Variants in ANXA10 observed in about 807,000 individuals in gnomAD.
ANXA10 encodes the protein annexin 14.
Under a neutral mutation model 53.5 loss-of-function variants are expected in ANXA10, and 49 were observed. That is an observed-to-expected ratio of 0.92 (90% CI 0.73 to 1.16). The LOEUF is 1.16. Ranked by LOEUF, ANXA10 falls within the 50% of genes most tolerant of loss-of-function variation. The probability of loss-of-function intolerance (pLI) is 0.00; values close to 1 mark genes in which losing one functional copy is unlikely to be tolerated. For synonymous variants in ANXA10, 131 were observed against 128.9 expected (o/e 1.02, Z -0.11); for missense variants, 393 against 394.4 (o/e 1.00, Z 0.03).
chr4:168,181,859 G>A, intron 10 of ANXA10, 118 bp downstream of exon 10: 2 of 737,536 alleles, frequency 2.7e-6, no homozygotes, highest in Admixed American at 2.5e-5. Context: ...TATGTACAAA[G>A]AAAATACACC....
chr4:168,099,525 A>C (rs1205406750), intron 1 of ANXA10, among the ~76,000 whole-genome samples: 1 of 152,102 alleles, frequency 6.6e-6, no homozygotes, highest in Non-Finnish European at 1.5e-5. Context: ...CCCTCAGTGA[A>C]AGGTAATTAA....
chr4:168,143,812 A>T (rs1731364407), intron 3 of ANXA10, among the ~76,000 whole-genome samples: 1 of 152,220 alleles, frequency 6.6e-6, no homozygotes, highest in Admixed American at 6.5e-5. Context: ...CTTGCCCAAA[A>T]GTAAAACTTC....
chr4:168,106,875 T>C (rs1730728199), intron 1 of ANXA10, among the ~76,000 whole-genome samples: 1 of 152,168 alleles, frequency 6.6e-6, no homozygotes, highest in Admixed American at 6.6e-5. Flanking sequence ...TTTTATGCCC[T>C]TCTCTTCCCA....
intron 2 of ANXA10, among the ~76,000 whole-genome samples, chr4:168,138,800 C>G (rs984146482): frequency 6.6e-6 from 1 of 152,090 alleles, no homozygotes; most frequent in Non-Finnish European, 1.5e-5. Flanking sequence ...TTACAGAGAT[C>G]TTTCACTTCC....
intron 6 of ANXA10, among the ~76,000 whole-genome samples, chr4:168,167,791 T>C (rs1348256433): frequency 6.6e-6 from 1 of 152,218 alleles, no homozygotes; most frequent in East Asian, 1.9e-4. Flanking sequence ...CCCTCATTTA[T>C]GCCTTTTTTA....
chr4:168,163,243 T>C (rs534773719), intron 4 of ANXA10, among the ~76,000 whole-genome samples: 15 of 152,294 alleles, frequency 9.8e-5, no homozygotes, highest in Admixed American at 9.8e-4. Flanking sequence ...ACAGATTTTG[T>C]TGGCTAGGTA....
At chr4:168,177,546 G>C (rs1429204050) in intron 6 of ANXA10, among the ~76,000 whole-genome samples, 194 bp from the exon 7 acceptor site, 1 of 152,102 alleles carries the variant, frequency 6.6e-6, no homozygotes, top group African/African-American at 2.4e-5. Context: ...ATAAAATAAT[G>C]CACATTTTAA....
intron 6 of ANXA10, among the ~76,000 whole-genome samples, chr4:168,172,046 C>G (rs2149479197): frequency 6.6e-6 from 1 of 152,324 alleles, no homozygotes; most frequent in African/African-American, 2.4e-5. Flanking sequence ...TCACCCACAT[C>G]TTAGTTCTTT....
intron 1 of ANXA10, among the ~76,000 whole-genome samples, chr4:168,116,996 G>GACACACACAC (rs9312272): frequency 0.014 from 2,159 of 150,952 alleles, 49 homozygotes; most frequent in African/African-American, 0.047. Context: ...TTTTCACACA[G>GACACACACAC]ACACACACAC....
intron 5 of ANXA10, 48 bp from the exon 6 acceptor site, chr4:168,165,199 T>A: frequency 1.6e-6 from 2 of 1,257,120 alleles, no homozygotes; most frequent in Non-Finnish European, 2.3e-6. Context: ...AACACACTGA[T>A]ACATAGTTCT....
intron 1 of ANXA10, among the ~76,000 whole-genome samples, chr4:168,124,160 C>A (rs923366958): frequency 6.6e-6 from 1 of 152,128 alleles, no homozygotes. Context: ...ATAGAGGGCA[C>A]CATGTTGGGA....
At chr4:168,126,950 A>G (rs115633037) in intron 1 of ANXA10, among the ~76,000 whole-genome samples, 1,748 of 152,208 alleles carry the variant, frequency 0.011, 12 homozygotes, top group South Asian at 0.018. Flanking sequence ...TGATATTAGT[A>G]TATTTATATT....
At chr4:168,136,168 A>G (rs1731234048) in intron 2 of ANXA10, among the ~76,000 whole-genome samples, 1 of 152,084 alleles carries the variant, frequency 6.6e-6, no homozygotes, top group Non-Finnish European at 1.5e-5. Flanking sequence ...CCCTCCTCCA[A>G]CACTGGGGAT....
At chr4:168,146,387 C>A (rs11946301) in intron 3 of ANXA10, among the ~76,000 whole-genome samples, 1 of 152,042 alleles carries the variant, frequency 6.6e-6, no homozygotes, top group South Asian at 2.1e-4. Context: ...ACCTACAGAA[C>A]TCTATGAGGT....
At chr4:168,136,864 T>C (rs1242901027) in intron 2 of ANXA10, among the ~76,000 whole-genome samples, 4 of 152,214 alleles carry the variant, frequency 2.6e-5, no homozygotes, top group Non-Finnish European at 5.9e-5. Context: ...TCATGAAGGC[T>C]CTGCTTCTGC....
At chr4:168,155,844 ATATAATATATCATATAT>A (rs1731633072) in intron 3 of ANXA10, among the ~76,000 whole-genome samples, 1 of 8,408 alleles carries the variant, frequency 1.2e-4, no homozygotes, top group Non-Finnish European at 2.0e-4. Context: ...ATCATATATA[ATATAATATATCATATAT>A]GATATATCAT....
At chr4:168,115,490 TACACACGC>T (rs1730877709) in intron 1 of ANXA10, among the ~76,000 whole-genome samples, 1 of 105,150 alleles carries the variant, frequency 9.5e-6, no homozygotes, top group East Asian at 2.6e-4. Flanking sequence ...CTCCCTACAA[TACACACGC>T]ACACACACAC....
At chr4:168,149,107 T>C (rs1401942975) in intron 3 of ANXA10, among the ~76,000 whole-genome samples, 1 of 152,204 alleles carries the variant, frequency 6.6e-6, no homozygotes, top group African/African-American at 2.4e-5. Flanking sequence ...TCTTTATTTT[T>C]GGTATTCTAT....
At chr4:168,164,443 G>A (rs886789508) in intron 5 of ANXA10, among the ~76,000 whole-genome samples, 155 bp downstream of exon 5, 2 of 152,054 alleles carry the variant, frequency 1.3e-5, no homozygotes, top group Non-Finnish European at 2.9e-5. Context: ...AGGTAAAACC[G>A]ATTATTAGTG....
Sources: gnomAD v4.1 joint callset for allele counts (sites outside exome capture counted in the v4.1 genomes callset) on GRCh38, gnomAD v4.1.1 for gene constraint, MANE v1.5 for transcripts, NCBI Gene and HGNC (gene_info 2026-07-23, HGNC 2026-07-21) for gene names.